The following MYL2 variants were observed in gnomAD, a reference collection of about 807,000 sequenced individuals.
The protein encoded by MYL2 is myosin regulatory light chain 2, ventricular/cardiac muscle isoform.
A neutral mutation model predicts 23.0 loss-of-function variants in MYL2; 19 were observed. That is an observed-to-expected ratio of 0.83 (90% CI 0.58 to 1.21). MYL2 has a LOEUF of 1.21. Among genes scored for constraint, MYL2 ranks in the 50% most tolerant of loss-of-function variants. MYL2 has a pLI of 0.00. For synonymous variants in MYL2, 78 were observed against 76.2 expected (o/e 1.02, Z -0.13); for missense variants, 180 against 215.1 (o/e 0.84, Z 1.02).
rs934628068 is a variant in MYL2, at chr12:110,918,210, C to A, written c.93+894G>T. The stretch of plus-strand genomic sequence containing the variant: ...CAACGGCTGGAAAATGAATTCTGAG[C>A]CTGTCCATCCAAGCCCGTGTGCAGT... On this transcript the variant is annotated intron_variant, in intron 2 of 6. Coordinates refer to ENST00000228841, the MANE Select transcript of MYL2 (RefSeq NM_000432.4). This position sits in a 1 kb window ranked among gnomAD's most constrained non-coding sequence, Gnocchi z 4.4. 6.6e-6 allele frequency among the ~76,000 whole-genome samples: 1 copy of A among 152,156 alleles called. No individual in the cohort carries two copies. Among genetic ancestry groups the A allele is most frequent in the African/African-American group, 2.4e-5 (1 of 41,434 alleles).
chr12:110,917,642 C>T (rs2071696027), intron 2 of MYL2, among the ~76,000 whole-genome samples: 1 of 152,094 alleles, frequency 6.6e-6, no homozygotes, highest in African/African-American at 2.4e-5. Flanking sequence ...TGGAAGGTGA[C>T]TATCTCAAGT....
At chr12:110,917,223 A>G (rs2071692907) in intron 2 of MYL2, among the ~76,000 whole-genome samples, 1 of 152,122 alleles carries the variant, frequency 6.6e-6, no homozygotes, top group African/African-American at 2.4e-5. Context: ...GAGATAGATT[A>G]CTGGTCCCAT....
intron 3 of MYL2, among the ~76,000 whole-genome samples, chr12:110,914,865 T>C (rs913369036): frequency 5.3e-5 from 8 of 152,206 alleles, no homozygotes; most frequent in Non-Finnish European, 8.8e-5. Context: ...GAACATTTGA[T>C]GCAGATATTT....
intron 6 of MYL2, among the ~76,000 whole-genome samples, chr12:110,912,360 T>C (rs948578205): frequency 2.6e-5 from 4 of 151,886 alleles, no homozygotes; most frequent in Admixed American, 6.6e-5. Flanking sequence ...TTGCAACAAA[T>C]ACACAGTCTG....
In MYL2 at chr12:110,914,169, C is replaced by T; in HGVS notation, c.274+17G>A. ...AGACACATACACACAGACACACACACACACACACGACCTTACCCTTAAGTT... is the reference window on the plus strand; with the variant it reads ...AGACACATACACACAGACACACACATACACACACGACCTTACCCTTAAGTT... On this transcript the variant is annotated intron_variant, in intron 4 of 6. Coordinates refer to ENST00000228841, the MANE Select transcript of MYL2 (RefSeq NM_000432.4). 1 of 1,581,858 alleles carries T rather than the reference C, an allele frequency of 6.3e-7. No individual in the cohort carries two copies. The highest frequency in any genetic ancestry group is 1.1e-5 in the South Asian group (1 of 90,322).
At position 110,914,307 on chromosome 12, in the gene MYL2, A is replaced by G. The variant is rs1453191107; in HGVS notation, c.170-17T>C. ...TCACTCGCCCTAGGGTAGGAAACAC[A>G]CACTCAGGGACTCCGAGCTGGGGAG... On this transcript the variant is annotated splice_polypyrimidine_tract_variant and intron_variant, in intron 3 of 6. Coordinates refer to ENST00000228841, the MANE Select transcript of MYL2 (RefSeq NM_000432.4). 1.3e-6 allele frequency: 2 copies of G among 1,566,730 alleles called. No homozygotes were observed. Among genetic ancestry groups the G allele is most frequent in the Non-Finnish European group, 1.8e-6 (2 of 1,136,994 alleles).
Position 110,913,128 on chromosome 12 carries a change from T to G in MYL2, c.370A>C (p.Thr124Pro). The G allele has an allele frequency of 6.2e-7, 1 of 1,614,210 alleles. No homozygotes were observed. The highest frequency in any genetic ancestry group is 8.5e-7 in the Non-Finnish European group (1 of 1,180,040). ...TTGGAAAACCTCTCCGCCTGCGTGG[T>G]CAGCATTTCCCGAACGCTGCAGAGA... ...LKADYVREMLTTQAERFSKEE... is the reference protein window; with the variant it reads ...LKADYVREMLPTQAERFSKEE... Residue 124 changes from threonine (T) to proline (P), a missense_variant, in exon 6 of 7, where the codon ACC becomes CCC. Physicochemically the swap from Thr to Pro is conservative, Grantham distance 38. Coordinates refer to ENST00000228841, the MANE Select transcript of MYL2 (RefSeq NM_000432.4).
intron 6 of MYL2, among the ~76,000 whole-genome samples, chr12:110,912,424 G>A (rs1318450589): frequency 6.6e-6 from 1 of 152,240 alleles, no homozygotes; most frequent in Non-Finnish European, 1.5e-5. Context: ...CAACTCACAT[G>A]ACAGTATGTG....
upstream of MYL2, among the ~76,000 whole-genome samples, chr12:110,920,916 G>A (rs955512461): frequency 3.3e-5 from 5 of 152,250 alleles, no homozygotes; most frequent in Admixed American, 1.3e-4. Flanking sequence ...TTATCAGCCT[G>A]GATCTGGCCT....
In MYL2 at chr12:110,913,289, TGAATGCGTTGA is replaced by T. The variant is rs2071666850; in HGVS notation, c.299_309del (p.Leu100GlnfsTer4). The T allele has an allele frequency of 3.1e-6, 5 of 1,614,076 alleles. No individual in the cohort carries two copies. Among genetic ancestry groups the T allele is most frequent in the Non-Finnish European group, 4.2e-6 (5 of 1,180,050 alleles). On this transcript the variant is annotated frameshift_variant, in exon 5 of 7. Transcript: ENST00000228841. LOFTEE classifies it high-confidence loss of function. Reference sequence around the variant, plus strand: ...CCTTTGCCTTCAGGGTCAAACACTTTGAATGCGTTGAGAATGGTTTCCTCAGGGTCCGCTCC... The same window carrying T: ...CCTTTGCCTTCAGGGTCAAACACTTTGAATGGTTTCCTCAGGGTCCGCTCC...
rs1305020660 is a variant in MYL2 at position 110,911,169 on chromosome 12, G to A, written c.409C>T (p.Gln137Ter). The change falls in exon 7 of 7, where the codon CAG becomes TAG. Residue 137 changes from glutamine to a stop codon, truncating the protein, a stop_gained. Coordinates refer to ENST00000228841, the MANE Select transcript of MYL2 (RefSeq NM_000432.4). LOFTEE classifies it high-confidence loss of function. ...AERFSKEEVD[Q>*]MFAAFPPDVT... ...TCAGGGGGGAAGGCGGCGAACATCT[G>A]GTCAACCTGCAATGAGCCAGCAACA... The A allele has an allele frequency of 1.9e-6, 3 of 1,609,506 alleles. No individual in the cohort carries two copies. The Admixed American group carries it at 5.0e-5, about 27-fold the overall frequency.
chr12:110,919,299 C>T, intron 1 of MYL2, 106 bp from the exon 2 acceptor site: 11 of 895,568 alleles, frequency 1.2e-5, no homozygotes, highest in Non-Finnish European at 1.7e-5. Context: ...GCTCAGCTGC[C>T]CATCTGTGAA....
chr12:110,911,152 G>T lies in MYL2; in HGVS notation c.426C>A (p.Phe142Leu). ...KEEVDQMFAA[F>L]PPDVTGNLDY... ...CCAAGTTGCCAGTCACGTCAGGGGG[G>T]AAGGCGGCGAACATCTGGTCAACCT... The change falls in exon 7 of 7, where the codon TTC (phenylalanine) becomes TTA (leucine). Residue 142 changes from phenylalanine (F) to leucine (L), a missense_variant. By Grantham distance (22) the Phe-to-Leu change is conservative. Transcript: ENST00000228841. 1 of 1,606,544 alleles carries T rather than the reference G, an allele frequency of 6.2e-7. No individual in the cohort carries two copies. The highest frequency in any genetic ancestry group is 8.5e-7 in the Non-Finnish European group (1 of 1,175,554).
chr12:110,911,247 C>T (rs887977427), intron 6 of MYL2, 72 bp from the exon 7 acceptor site: 2 of 172,530 alleles, frequency 1.2e-5, no homozygotes, highest in Non-Finnish European at 2.1e-5. Context: ...GGGCTGTGGG[C>T]GGGGCCTGAG....
Position 110,917,915 on chromosome 12 carries a change from C to T in MYL2, c.93+1189G>A, listed in dbSNP as rs1265243940. ...CCTGGGCAACACAGGGGGACTCAATCTTTACAAAAATCACAAAAATTAGCT... is the reference window on the plus strand; with the variant it reads ...CCTGGGCAACACAGGGGGACTCAATTTTTACAAAAATCACAAAAATTAGCT... On this transcript the variant is annotated intron_variant, in intron 2 of 6. Transcript: ENST00000228841. 3.9e-5 allele frequency among the ~76,000 whole-genome samples: 6 copies of T among 152,132 alleles called. No individual in the cohort carries two copies. In the East Asian group the frequency reaches 7.7e-4, roughly 20 times the overall value.
At chr12:110,913,054 C>A in intron 6 of MYL2, 42 bp downstream of exon 6, 1 of 1,612,692 alleles carries the variant, frequency 6.2e-7, no homozygotes, top group Non-Finnish European at 8.5e-7. Flanking sequence ...GAAGGAGAAC[C>A]CAGGAGCTGG....
rs1452586267 is a variant in MYL2, at chr12:110,919,100, C to G, written c.93+4G>C. 1.2e-6 allele frequency: 2 copies of G among 1,613,582 alleles called. No homozygotes were observed. Among genetic ancestry groups the G allele is most frequent in the South Asian group, 1.1e-5 (1 of 91,056 alleles). ...CAGGCGGATGATTCAATAGCTGCAC[C>G]CACCTCCTTAAATTCCTGGATTTGG... On this transcript the variant is annotated splice_donor_region_variant and intron_variant, in intron 2 of 6. Coordinates refer to ENST00000228841, the MANE Select transcript of MYL2 (RefSeq NM_000432.4).
At chr12:110,916,751 T>C (rs1037796574) in intron 2 of MYL2, among the ~76,000 whole-genome samples, 2 of 152,158 alleles carry the variant, frequency 1.3e-5, no homozygotes, top group African/African-American at 4.8e-5. Flanking sequence ...GTGGTGATGG[T>C]TGCACAACTT....
intron 2 of MYL2, among the ~76,000 whole-genome samples, chr12:110,916,706 T>C (rs1015337145): frequency 6.6e-6 from 1 of 152,152 alleles, no homozygotes; most frequent in African/African-American, 2.4e-5. Flanking sequence ...ATGGGGTTTC[T>C]TTCGGGGGTG....
Sources: gnomAD v4.1 joint callset for allele counts (sites outside exome capture counted in the v4.1 genomes callset) on GRCh38, gnomAD v4.1.1 for gene constraint, Gnocchi (gnomAD v3.1) non-coding constraint, MANE v1.5 for transcripts, NCBI Gene and HGNC (gene_info 2026-07-23, HGNC 2026-07-21) for gene names.